RASSF8: variants seen among roughly 807,000 people sequenced by gnomAD.
RASSF8 encodes the protein ras association domain-containing protein 8.
Under a neutral mutation model 48.5 loss-of-function variants are expected in RASSF8, and 22 were observed. That is an observed-to-expected ratio of 0.45 (90% confidence interval 0.32 to 0.65). The LOEUF (loss-of-function observed/expected upper bound fraction) is 0.65. RASSF8 is among the 30% of genes least tolerant of loss of function. The pLI, the probability that RASSF8 is intolerant of heterozygous loss-of-function variation, is 0.03. For missense variants in RASSF8, 418 were observed against 489.2 expected, an observed-to-expected ratio of 0.85 and a Z score of 1.37; for synonymous variants, 127 against 171.5, an observed-to-expected ratio of 0.74 and a Z score of 2.03.
downstream of RASSF8, among the ~76,000 whole-genome samples, chr12:26,073,746 T>TCTCTACACACACACACAC (rs10678881): frequency 6.0e-3 from 278 of 46,394 alleles, 4 homozygotes; most frequent in African/African-American, 0.023. Context: ...TCTCTCTCTC[T>TCTCTACACACACACACAC]ATACACACAC....
chr12:25,970,560 C>G (rs1007139234), intron 1 of RASSF8, among the ~76,000 whole-genome samples: 1 of 152,142 alleles, frequency 6.6e-6, no homozygotes, highest in Non-Finnish European at 1.5e-5. Context: ...CGCCTGAAAC[C>G]CATCCTCCAT....
chr12:26,002,417 A>C lies in RASSF8; in HGVS notation c.-109+7287A>C, dbSNP rs190305982. ...CACTGCACTCCAGCCTGGGTGAAAG[A>C]GCAAAACTCCATCTCAAAAACAAAC... On this transcript the variant is annotated intron_variant, in intron 2 of 5. Coordinates refer to ENST00000689635, the MANE Select transcript of RASSF8 (RefSeq NM_001394098.1). Among the ~76,000 whole-genome samples, 92 of 152,030 alleles carry C rather than the reference A, an allele frequency of 6.1e-4. No individual in the cohort carries two copies. The East Asian group carries it at 0.013, about 22-fold the overall frequency.
At chr12:26,077,872 A>C (rs74073620) in intron 5 of RASSF8, among the ~76,000 whole-genome samples, 226 of 152,322 alleles carry the variant, frequency 1.5e-3, no homozygotes, top group African/African-American at 5.2e-3. Context: ...ATTGAGTTTC[A>C]GAGTGCATAT....
chr12:26,058,067 T>C (rs530057501), intron 3 of RASSF8, among the ~76,000 whole-genome samples: 1 of 152,350 alleles, frequency 6.6e-6, no homozygotes, highest in South Asian at 2.1e-4. Flanking sequence ...AGAGTATACT[T>C]ATTTGTGAAC....
At chr12:26,055,095 G>A in intron 2 of RASSF8, 141 bp from the exon 3 acceptor site, 1 of 458,832 alleles carries the variant, frequency 2.2e-6, no homozygotes. Context: ...CATTTGTGTT[G>A]CTTAATTCAT....
intron 2 of RASSF8, among the ~76,000 whole-genome samples, chr12:26,019,384 G>A (rs181058602): frequency 6.4e-4 from 98 of 152,112 alleles, no homozygotes; most frequent in Admixed American, 9.2e-4. Context: ...GCCTTAATAG[G>A]TACAGCACCC....
At position 26,065,069 on chromosome 12, in the gene RASSF8, C is replaced by T. The variant is rs1329664466; in HGVS notation, c.675C>T (p.Phe225=). ...RNDVEIEEEE[F]WENELQIEQE... Reference sequence around the variant, plus strand: ...ATGTAGAAATTGAGGAGGAAGAATTCTGGGAAAATGAATTACAGATTGAAC... The same window carrying T: ...ATGTAGAAATTGAGGAGGAAGAATTTTGGGAAAATGAATTACAGATTGAAC... Residue 225 remains phenylalanine, a synonymous_variant, in exon 4 of 6, where the codon TTC becomes TTT. Transcript: ENST00000689635. 2 of 1,613,812 alleles carry T rather than the reference C, an allele frequency of 1.2e-6. No homozygotes were observed. The highest frequency in any genetic ancestry group is 3.3e-5 in the Admixed American group (2 of 59,988).
chr12:26,073,874 G>GT (rs964970503), downstream of RASSF8, among the ~76,000 whole-genome samples: 101 of 143,992 alleles, frequency 7.0e-4, 1 homozygote, highest in African/African-American at 2.5e-3. Context: ...AGCCAAAGTA[G>GT]TATTTATTGA....
chr12:26,071,563 G>GTGTTGCCT lies in RASSF8; in HGVS notation c.*2746_*2753dup. The GTGTTGCCT allele has an allele frequency of 1.0e-6, 1 of 981,632 alleles. No homozygotes were observed. The highest frequency in any genetic ancestry group is 1.2e-6 in the Non-Finnish European group (1 of 826,508). The allele number at this position is 981,632 out of a possible 1,614,324, so 60.8% of individuals were successfully genotyped here. A position where few individuals can be genotyped will look rare whatever the true frequency, so the allele number is the denominator to read the frequency against. On this transcript the variant is annotated 3_prime_UTR_variant, in exon 6 of 6. Transcript: ENST00000689635. ...TCATCCTCAGAGAATGGCCCATAGT[G>GTGTTGCCT]TGTTGCCTGTGGACATAGTGTCCAT... is the stretch of plus-strand genomic sequence containing the variant.
rs1444094480 is a variant in RASSF8, at chr12:26,055,286, C to G, written c.-58C>G. On this transcript the variant is annotated 5_prime_UTR_variant, in exon 3 of 6. Transcript: ENST00000689635. ...CACTCCGTGTTCCTGCAGCTAGAGA[C>G]ATGACCTAACACCCTGATGACCACT... 7.2e-7 allele frequency: 1 copy of G among 1,385,456 alleles called. No homozygotes were observed. The allele number at this position is 1,385,456 out of a possible 1,614,324, so 85.8% of individuals were successfully genotyped here.
At chr12:26,035,532 A>G (rs1943126324) in intron 2 of RASSF8, among the ~76,000 whole-genome samples, 1 of 142,938 alleles carries the variant, frequency 7.0e-6, no homozygotes, top group African/African-American at 2.6e-5. Context: ...ATGAAATTAT[A>G]TATAAAAATT....
rs192944606 is a variant in RASSF8 at position 26,012,317 on chromosome 12, T to C, written c.-109+17187T>C. ...ATATATAGTAAGAATTTAACAGATATAACAAAAGCTCTCAGGCATTTAATA... is the reference window on the plus strand; with the variant it reads ...ATATATAGTAAGAATTTAACAGATACAACAAAAGCTCTCAGGCATTTAATA... On this transcript the variant is annotated intron_variant, in intron 2 of 5. Transcript: ENST00000689635. Among the ~76,000 whole-genome samples, 518 of 152,348 alleles carry C rather than the reference T, an allele frequency of 3.4e-3. 3 individuals carry two copies. The highest frequency in any genetic ancestry group is 6.5e-3 in the Non-Finnish European group (442 of 68,036).
chr12:26,037,269 C>T (rs1297261168), intron 2 of RASSF8, among the ~76,000 whole-genome samples: 1 of 152,158 alleles, frequency 6.6e-6, no homozygotes, highest in African/African-American at 2.4e-5. Context: ...CACCATGGTC[C>T]AGATATTTTA....
intron 2 of RASSF8, among the ~76,000 whole-genome samples, chr12:26,003,555 A>G (rs972508451): frequency 5.9e-5 from 9 of 152,192 alleles, no homozygotes; most frequent in Admixed American, 5.9e-4. Flanking sequence ...AATGAAATGG[A>G]AAAATGATAA....
intron 2 of RASSF8, among the ~76,000 whole-genome samples, chr12:26,025,737 T>G (rs1267661101): frequency 6.6e-6 from 1 of 152,120 alleles, no homozygotes; most frequent in Non-Finnish European, 1.5e-5. Flanking sequence ...TGCATTTCTA[T>G]ATACTATCAG....
At chr12:26,038,608 AACACACACACACAC>A (rs57536643) in intron 2 of RASSF8, among the ~76,000 whole-genome samples, 3,348 of 144,944 alleles carry the variant, frequency 0.023, 51 homozygotes, top group Middle Eastern at 0.049. Context: ...TTCTTATTAA[AACACACACACACAC>A]ACACACACAC....
chr12:25,999,655 T>A (rs1245965263), intron 2 of RASSF8, among the ~76,000 whole-genome samples: 1 of 152,134 alleles, frequency 6.6e-6, no homozygotes, highest in Non-Finnish European at 1.5e-5. Flanking sequence ...ACCACTGTGC[T>A]CCACCCTGGG....
chr12:25,992,001 G>T (rs1351172367), intron 1 of RASSF8, among the ~76,000 whole-genome samples: 3 of 152,182 alleles, frequency 2.0e-5, no homozygotes, highest in Non-Finnish European at 2.9e-5. Flanking sequence ...ACATGTTGGT[G>T]TTCATTGATT....
chr12:26,000,982 C>CTTTT (rs34793650), intron 2 of RASSF8, among the ~76,000 whole-genome samples: 104 of 81,038 alleles, frequency 1.3e-3, no homozygotes, highest in African/African-American at 2.3e-3. Flanking sequence ...TTAAAATTTC[C>CTTTT]TTTTTTTTTT....
Sources: gnomAD v4.1 joint callset for allele counts (sites outside exome capture counted in the v4.1 genomes callset) on GRCh38, gnomAD v4.1.1 for gene constraint, MANE v1.5 for transcripts, NCBI Gene and HGNC (gene_info 2026-07-23, HGNC 2026-07-21) for gene names.